Variants in HSP90AA1 observed in about 807,000 individuals in gnomAD.
The protein encoded by HSP90AA1 is heat shock protein 90 alpha family class A member 1.
HSP90AA1 carries 18 observed loss-of-function variants against 73.3 expected under a neutral mutation model. The ratio of observed to expected loss-of-function variants is 0.25; its 90% CI spans 0.17 to 0.36. The LOEUF (loss-of-function observed/expected upper bound fraction) is 0.36, where lower values mean the gene tolerates loss of function less well. Among genes scored for constraint, HSP90AA1 ranks in the 10% least tolerant of loss-of-function variants. The pLI, the probability that HSP90AA1 is intolerant of heterozygous loss-of-function variation, is 1.00. For missense variants in HSP90AA1, 704 were observed against 874.2 expected, an observed-to-expected ratio of 0.81 and a Z score of 2.45; for synonymous variants, 477 against 296.9, an observed-to-expected ratio of 1.61 and a Z score of -6.24.
chr14:102,120,919 C>T (rs1028458118), intron 1 of HSP90AA1, among the ~76,000 whole-genome samples: 2 of 150,698 alleles, frequency 1.3e-5, no homozygotes, highest in Non-Finnish European at 3.0e-5. Flanking sequence ...GCCTGGGCAA[C>T]AAGAGCTAGA....
Position 102,086,028 on chromosome 14 carries a change from G to T in HSP90AA1, c.259C>A (p.Arg87=). 6.2e-7 allele frequency: 1 copy of T among 1,613,882 alleles called. No homozygotes were observed. The highest frequency in any genetic ancestry group is 8.5e-7 in the Non-Finnish European group (1 of 1,179,840). The change falls in exon 3 of 11, where the codon CGA becomes AGA. Residue 87 remains arginine (R), a synonymous_variant. Transcript: ENST00000216281. ...CCAGTATCCACAATAGTGAGAGTTC[G>T]ATCTTGTTTGTTCGGTATAAGGTTA... The part of the protein sequence containing the change: ...HINLIPNKQD[R]TLTIVDTGIG...
intron 1 of HSP90AA1, among the ~76,000 whole-genome samples, chr14:102,114,579 T>C (rs1250448410): frequency 1.3e-5 from 2 of 152,160 alleles, no homozygotes; most frequent in Non-Finnish European, 1.5e-5. Flanking sequence ...TGGGTGCCAG[T>C]GTTTTGAAAG....
intron 1 of HSP90AA1, among the ~76,000 whole-genome samples, chr14:102,130,258 T>G (rs1249765694): frequency 2.0e-5 from 3 of 152,162 alleles, no homozygotes; most frequent in Non-Finnish European, 4.4e-5. Flanking sequence ...CATGAGCCAC[T>G]GCGCCCGGCC....
At chr14:102,090,848 C>T (rs1476720619), upstream of HSP90AA1, among the ~76,000 whole-genome samples, 4 of 152,238 alleles carry the variant, frequency 2.6e-5, no homozygotes, top group African/African-American at 2.4e-5. Context: ...TTAGGGCAAT[C>T]TGACCATTTT....
chr14:102,107,539 G>C (rs2049584654), intron 1 of HSP90AA1, among the ~76,000 whole-genome samples: 1 of 152,014 alleles, frequency 6.6e-6, no homozygotes, highest in South Asian at 2.1e-4. Context: ...TGGCCAGGAT[G>C]GTCTCGATCT....
chr14:102,121,927 G>C (rs141061706), intron 1 of HSP90AA1, among the ~76,000 whole-genome samples: 268 of 152,178 alleles, frequency 1.8e-3, no homozygotes, highest in Middle Eastern at 0.01. Context: ...TTCCAAGGTT[G>C]TTGTCTTTTC....
chr14:102,083,868 T>C lies in HSP90AA1; in HGVS notation c.1263A>G (p.Leu421=), dbSNP rs2049156030. The C allele has an allele frequency of 6.2e-7, 1 of 1,614,102 alleles. No individual in the cohort carries two copies. The highest frequency in any genetic ancestry group is 8.5e-7 in the Non-Finnish European group (1 of 1,179,952). ...CTTCCGCCAGTTCAGTAAAGAGTTC[T>C]AAGCATTTTTTGACCAAATTCTTCC... The part of the protein sequence containing the change: ...VIRKNLVKKC[L]ELFTELAEDK... Residue 421 remains leucine, a synonymous_variant, in exon 7 of 11, where the codon TTA becomes TTG. Coordinates refer to ENST00000216281, the MANE Select transcript of HSP90AA1 (RefSeq NM_005348.4).
chr14:102,121,024 C>CACAT (rs1555364015), intron 1 of HSP90AA1, among the ~76,000 whole-genome samples: 7 of 10,628 alleles, frequency 6.6e-4, no homozygotes, highest in African/African-American at 4.9e-4. Context: ...CACACACATA[C>CACAT]ACACACACAC....
rs2049081460 is a variant in HSP90AA1 at position 102,080,807 on chromosome 14, G to C, written c.*905C>G. The C allele has an allele frequency of 4.4e-6, 1 of 224,846 alleles. No individual in the cohort carries two copies. The highest frequency in any genetic ancestry group is 1.8e-4 in the South Asian group (1 of 5,466). The allele number at this position is 224,846 out of a possible 1,614,324, so 13.9% of individuals were successfully genotyped here. ...CCATGAATAACATCAAAACAACGTG[G>C]ACACTAAGAGAACACATGTAACTCA... On this transcript the variant is annotated 3_prime_UTR_variant, in exon 11 of 11. Transcript: ENST00000216281.
chr14:102,139,131 T>A, intron 1 of HSP90AA1: 4 of 1,258,218 alleles, frequency 3.2e-6, no homozygotes. Context: ...CCAGTGCTCA[T>A]CACACGCAGG....
At chr14:102,089,487 A>G (rs916965661), upstream of HSP90AA1, among the ~76,000 whole-genome samples, 8 of 152,150 alleles carry the variant, frequency 5.3e-5, no homozygotes, top group Non-Finnish European at 1.5e-5. Context: ...AATGGTTTCT[A>G]CCATCAACAC....
chr14:102,090,680 T>G (rs924748394), upstream of HSP90AA1, among the ~76,000 whole-genome samples: 1 of 152,192 alleles, frequency 6.6e-6, no homozygotes, highest in African/African-American at 2.4e-5. Context: ...CTTGATCTCT[T>G]GACCTTGTGA....
chr14:102,084,752 T>C lies in HSP90AA1; in HGVS notation c.910A>G (p.Ile304Val). Residue 304 changes from isoleucine (I) to valine (V), a missense_variant, in exon 5 of 11, where the codon ATT becomes GTT. Coordinates refer to ENST00000216281, the MANE Select transcript of HSP90AA1 (RefSeq NM_005348.4). ...KPIWTRNPDDITNEEYGEFYK... is the reference protein window; with the variant it reads ...KPIWTRNPDDVTNEEYGEFYK... ...AATTCTCCGTACTCCTCATTAGTAA[T>C]ATCGTCGGGATTTCTGGTCCAGATG... 1 of 1,614,196 alleles carries C rather than the reference T, an allele frequency of 6.2e-7. No homozygotes were observed.
chr14:102,087,733 T>C (rs1298189156), upstream of HSP90AA1, among the ~76,000 whole-genome samples: 1 of 152,016 alleles, frequency 6.6e-6, no homozygotes, highest in Non-Finnish European at 1.5e-5. Context: ...TCGGGAGCGC[T>C]CCCTACTTTT....
At chr14:102,139,109 A>G (rs1393379101) in intron 1 of HSP90AA1, 4 of 1,035,184 alleles carry the variant, frequency 3.9e-6, no homozygotes, top group Non-Finnish European at 5.9e-6. Context: ...CTCCGCTAAG[A>G]AGCGGAGGCC....
At chr14:102,138,238 C>CT (rs2048216885) in intron 1 of HSP90AA1, among the ~76,000 whole-genome samples, 1 of 151,756 alleles carries the variant, frequency 6.6e-6, no homozygotes, top group South Asian at 2.1e-4. Flanking sequence ...AAAAATTATA[C>CT]TTTTTTTCCT....
In HSP90AA1 at chr14:102,081,767, TCTTCAGTTA is replaced by T. The variant is rs1419942350; in HGVS notation, c.2135_2143del (p.Val712_Glu714del). 1 of 1,599,766 alleles carries T rather than the reference TCTTCAGTTA, an allele frequency of 6.3e-7. No homozygotes were observed. Among genetic ancestry groups the T allele is most frequent in the East Asian group, 2.2e-5 (1 of 44,816 alleles). ...GTCATCTCCTTCAAGGGGTGGCATTTCTTCAGTTACAGCAGCACTGGTATCATCAGCAGT... is the reference window on the plus strand; with the variant it reads ...GTCATCTCCTTCAAGGGGTGGCATTTCAGCAGCACTGGTATCATCAGCAGT... On this transcript the variant is annotated inframe_deletion, in exon 11 of 11. Transcript: ENST00000216281.
intron 1 of HSP90AA1, among the ~76,000 whole-genome samples, chr14:102,136,377 A>C (rs142904019): frequency 0.017 from 2,565 of 147,340 alleles, 51 homozygotes; most frequent in South Asian, 0.099. Flanking sequence ...GACCAGCCTG[A>C]CCAACATGGC....
chr14:102,135,211 TAC>T (rs1048784776), intron 1 of HSP90AA1, among the ~76,000 whole-genome samples: 2 of 152,212 alleles, frequency 1.3e-5, no homozygotes, highest in African/African-American at 4.8e-5. Context: ...AGCAGCTAGA[TAC>T]AGAGTGTGGA....
Sources: allele counts gnomAD v4.1 joint callset (sites outside exome capture counted in the v4.1 genomes callset), GRCh38; gene constraint gnomAD v4.1.1; transcripts MANE v1.5; gene names NCBI Gene and HGNC (gene_info 2026-07-23, HGNC 2026-07-21).